Variants in AUTS2 observed in about 807,000 individuals in gnomAD.
The protein encoded by AUTS2 is activator of transcription and developmental regulator AUTS2, also known as autism susceptibility gene 2 protein.
A neutral mutation model predicts 112.4 loss-of-function variants in AUTS2; 17 were observed. The observed-to-expected ratio is 0.15, with a 90% confidence interval of 0.10 to 0.23. The LOEUF (loss-of-function observed/expected upper bound fraction) is 0.23. AUTS2 is among the 10% of genes least tolerant of loss of function. The pLI is 1.00. For missense variants in AUTS2, 1,510 were observed against 1,701.6 expected, an observed-to-expected ratio of 0.89 and a Z score of 1.98; for synonymous variants, 751 against 702.7, an observed-to-expected ratio of 1.07 and a Z score of -1.09.
At chr7:70,583,641 A>G (rs1435894751) in intron 5 of AUTS2, among the ~76,000 whole-genome samples, 1 of 152,228 alleles carries the variant, frequency 6.6e-6, no homozygotes, top group Non-Finnish European at 1.5e-5. Flanking sequence ...AGTGGTGGAC[A>G]GTGAGTGAAG....
chr7:70,486,473 A>G (rs1164634701), intron 5 of AUTS2, among the ~76,000 whole-genome samples: 1 of 152,242 alleles, frequency 6.6e-6, no homozygotes, highest in East Asian at 1.9e-4. Flanking sequence ...ACGGTGGCTC[A>G]CGCCTGTAAT....
rs890934168 is a variant in AUTS2 at position 70,619,541 on chromosome 7, A to C, written c.691-79028A>C. Among the ~76,000 whole-genome samples the C allele has an allele frequency of 5.3e-5, 8 of 149,600 alleles. No homozygotes were observed. In the South Asian group the frequency reaches 1.1e-3, roughly 20 times the overall value. On this transcript the variant is annotated intron_variant, in intron 5 of 18. Coordinates refer to ENST00000342771, the MANE Select transcript of AUTS2 (RefSeq NM_015570.4). ...TTTCTTCCCTCTCCTCTCTCAAATAATTAGAAGTGCTGGTCAAGGTATTAA... is the reference window on the plus strand; with the variant it reads ...TTTCTTCCCTCTCCTCTCTCAAATACTTAGAAGTGCTGGTCAAGGTATTAA...
chr7:70,785,706 AC>A (rs1422269444), intron 16 of AUTS2, among the ~76,000 whole-genome samples: 1 of 152,232 alleles, frequency 6.6e-6, no homozygotes, highest in Non-Finnish European at 1.5e-5. Context: ...TAGTGTCCCC[AC>A]TGGGCAAAGG....
chr7:70,010,544 A>G (rs1799752883), intron 2 of AUTS2, among the ~76,000 whole-genome samples: 2 of 152,204 alleles, frequency 1.3e-5, no homozygotes, highest in African/African-American at 2.4e-5. Flanking sequence ...CCCCTTGATG[A>G]CTGAGTGACT....
chr7:70,474,799 G>A (rs1797519451), intron 5 of AUTS2, among the ~76,000 whole-genome samples: 1 of 152,078 alleles, frequency 6.6e-6, no homozygotes, highest in Admixed American at 6.6e-5. Context: ...ATTTAATTAG[G>A]ACCCACTGTG....
Position 70,276,537 on chromosome 7 carries a change from C to T in AUTS2, c.660+141966C>T, listed in dbSNP as rs1048909820. 2.6e-5 allele frequency among the ~76,000 whole-genome samples: 4 copies of T among 152,052 alleles called. No individual in the cohort carries two copies. The East Asian group carries it at 5.8e-4, about 22-fold the overall frequency. Reference sequence around the variant, plus strand: ...GGGATTAGAGGTCCCAGCTACCACACCCAACTAATTTTTGTATTTTTAGTA... The same window carrying T: ...GGGATTAGAGGTCCCAGCTACCACATCCAACTAATTTTTGTATTTTTAGTA... On this transcript the variant is annotated intron_variant, in intron 4 of 18. Coordinates refer to ENST00000342771, the MANE Select transcript of AUTS2 (RefSeq NM_015570.4).
chr7:70,256,320 C>T (rs191366403), intron 4 of AUTS2, among the ~76,000 whole-genome samples: 1 of 152,282 alleles, frequency 6.6e-6, no homozygotes, highest in African/African-American at 2.4e-5. Flanking sequence ...TCTTCAGTTT[C>T]CTCTAAAGGG....
chr7:70,718,505 T>C (rs966984407), intron 6 of AUTS2, among the ~76,000 whole-genome samples: 5 of 151,980 alleles, frequency 3.3e-5, no homozygotes. Context: ...TCTACAAAAA[T>C]ACAAAATATT....
intron 1 of AUTS2, among the ~76,000 whole-genome samples, chr7:69,681,809 C>T (rs566239686): frequency 2.1e-4 from 32 of 152,100 alleles, no homozygotes; most frequent in Non-Finnish European, 2.8e-4. Context: ...CCAGATAGTT[C>T]GGTTTTTTTG....
intron 2 of AUTS2, among the ~76,000 whole-genome samples, chr7:69,922,177 T>C (rs930335741): frequency 2.7e-4 from 41 of 152,368 alleles, no homozygotes; most frequent in Admixed American, 2.2e-3. Context: ...TCAAATTGCA[T>C]CATCTTTGGC....
Position 70,153,172 on chromosome 7 carries a change from T to A in AUTS2, c.660+18601T>A, listed in dbSNP as rs1161568560. 3.3e-5 allele frequency among the ~76,000 whole-genome samples: 5 copies of A among 152,328 alleles called. No homozygotes were observed. The East Asian group carries it at 9.6e-4, about 29-fold the overall frequency. On this transcript the variant is annotated intron_variant, in intron 4 of 18. Coordinates refer to ENST00000342771, the MANE Select transcript of AUTS2 (RefSeq NM_015570.4). ...AGCCCCAAATTGGAAATTGGCCATA[T>A]GTTCATTATCAACTTAATGAATGAA...
chr7:70,019,515 C>A (rs1341157225), intron 2 of AUTS2, among the ~76,000 whole-genome samples: 1 of 152,072 alleles, frequency 6.6e-6, no homozygotes, highest in Non-Finnish European at 1.5e-5. Flanking sequence ...TTGTGTAGGT[C>A]CATTTAATTT....
chr7:70,308,279 T>C (rs1027078918), intron 4 of AUTS2, among the ~76,000 whole-genome samples: 1 of 152,204 alleles, frequency 6.6e-6, no homozygotes, highest in African/African-American at 2.4e-5. Flanking sequence ...AATTGTTTTC[T>C]AGGACATACC....
intron 14 of AUTS2, 128 bp downstream of exon 14, chr7:70,777,302 C>A: frequency 1.2e-6 from 1 of 849,798 alleles, no homozygotes. Context: ...AAGGATCAAG[C>A]CTCTCTTGGA....
intron 2 of AUTS2, among the ~76,000 whole-genome samples, chr7:69,923,277 ACAAT>A (rs1795884203): frequency 6.6e-6 from 1 of 152,294 alleles, no homozygotes; most frequent in South Asian, 2.1e-4. Flanking sequence ...ACTTTTGTAA[ACAAT>A]CAGTTGTCCA....
At chr7:70,554,316 A>C (rs1335939908) in intron 5 of AUTS2, among the ~76,000 whole-genome samples, 5 of 146,102 alleles carry the variant, frequency 3.4e-5, no homozygotes, top group Admixed American at 6.8e-5. Context: ...TGATCTGCCC[A>C]CCTCAGCCTC....
At chr7:69,675,957 G>T (rs916964122) in intron 1 of AUTS2, among the ~76,000 whole-genome samples, 1 of 152,120 alleles carries the variant, frequency 6.6e-6, no homozygotes, top group Non-Finnish European at 1.5e-5. Flanking sequence ...TTATATATTG[G>T]CAGATCATCC....
intron 4 of AUTS2, among the ~76,000 whole-genome samples, chr7:70,376,503 G>T (rs1380058149): frequency 6.6e-6 from 1 of 152,066 alleles, no homozygotes; most frequent in African/African-American, 2.4e-5. Flanking sequence ...AGAGAAACAT[G>T]GGGGGATATC....
chr7:70,030,244 G>T (rs771190821), intron 2 of AUTS2, among the ~76,000 whole-genome samples: 1 of 152,152 alleles, frequency 6.6e-6, no homozygotes, highest in Non-Finnish European at 1.5e-5. Flanking sequence ...GAAAACCATT[G>T]AATTGTACAA....
Sources: allele counts gnomAD v4.1 joint callset (sites outside exome capture counted in the v4.1 genomes callset), GRCh38; gene constraint gnomAD v4.1.1; transcripts MANE v1.5; gene names NCBI Gene and HGNC (gene_info 2026-07-23, HGNC 2026-07-21).